The following GSK3B variants were observed in gnomAD, a reference collection of about 807,000 sequenced individuals.
The protein encoded by GSK3B is glycogen synthase kinase 3 beta.
A neutral mutation model predicts 56.4 loss-of-function variants in GSK3B; 15 were observed. The observed-to-expected ratio is 0.27, with a 90% CI of 0.18 to 0.41. The LOEUF is 0.41. GSK3B is among the 10% of genes least tolerant of loss of function. GSK3B has a pLI of 1.00. For missense variants in GSK3B, 300 were observed against 513.4 expected, an observed-to-expected ratio of 0.58 and a Z score of 4.02; for synonymous variants, 181 against 188.9, an observed-to-expected ratio of 0.96 and a Z score of 0.34.
intron 2 of GSK3B, among the ~76,000 whole-genome samples, chr3:120,000,351 A>AT (rs1302475524): frequency 1.3e-5 from 2 of 152,238 alleles, no homozygotes; most frequent in East Asian, 3.8e-4. Flanking sequence ...CAATATTCAG[A>AT]TATCAAGATC....
intron 1 of GSK3B, among the ~76,000 whole-genome samples, chr3:120,090,171 T>C (rs1309608998): frequency 6.6e-6 from 1 of 151,792 alleles, no homozygotes; most frequent in African/African-American, 2.4e-5. Flanking sequence ...TGATCTGAAA[T>C]AAGCCATCAT....
chr3:119,871,013 T>G (rs957608768), intron 8 of GSK3B, among the ~76,000 whole-genome samples: 3 of 152,200 alleles, frequency 2.0e-5, no homozygotes, highest in Non-Finnish European at 4.4e-5. Flanking sequence ...TCTGAAGGCA[T>G]TTTAATAATA....
At chr3:119,997,769 A>C (rs751268848) in intron 2 of GSK3B, among the ~76,000 whole-genome samples, 6 of 152,208 alleles carry the variant, frequency 3.9e-5, no homozygotes, top group Non-Finnish European at 8.8e-5. Flanking sequence ...AAGAAAAGGA[A>C]ACCCAGAAGA....
chr3:119,915,526 C>T (rs1559834800), intron 5 of GSK3B, among the ~76,000 whole-genome samples: 1 of 151,976 alleles, frequency 6.6e-6, no homozygotes, highest in African/African-American at 2.4e-5. Flanking sequence ...CACACATGTA[C>T]TTGTGTATAT....
chr3:119,900,328 T>G (rs2056613045), intron 7 of GSK3B, among the ~76,000 whole-genome samples: 1 of 152,116 alleles, frequency 6.6e-6, no homozygotes, highest in South Asian at 2.1e-4. Context: ...ATAGTCAAAT[T>G]ATTACTATAG....
chr3:119,905,995 T>C (rs1328700847), intron 6 of GSK3B, 143 bp from the exon 7 acceptor site: 1 of 592,450 alleles, frequency 1.7e-6, no homozygotes, highest in East Asian at 2.6e-5. Flanking sequence ...GAAAAAGTCA[T>C]CAAACTTCCT....
chr3:119,980,546 G>A (rs1179102428), intron 2 of GSK3B, among the ~76,000 whole-genome samples: 1 of 152,070 alleles, frequency 6.6e-6, no homozygotes, highest in African/African-American at 2.4e-5. Flanking sequence ...TAGAGATGGG[G>A]TTTCTCCAAG....
chr3:119,990,681 C>G (rs908439473), intron 2 of GSK3B, among the ~76,000 whole-genome samples: 2 of 152,208 alleles, frequency 1.3e-5, no homozygotes, highest in Admixed American at 6.5e-5. Context: ...GTAATCCCAG[C>G]ACTTTGGGAG....
intron 2 of GSK3B, among the ~76,000 whole-genome samples, chr3:119,962,151 G>C (rs553553114): frequency 6.6e-6 from 1 of 152,234 alleles, no homozygotes; most frequent in East Asian, 1.9e-4. Context: ...TGAGGCAGGT[G>C]GATCACCTGA....
intron 9 of GSK3B, among the ~76,000 whole-genome samples, chr3:119,863,168 C>T (rs752022857): frequency 7.2e-5 from 11 of 152,214 alleles, no homozygotes; most frequent in Non-Finnish European, 1.6e-4. Context: ...TCTGTAACTT[C>T]TCATGTGCCA....
chr3:119,961,884 T>C lies in GSK3B; in HGVS notation c.283-14533A>G, dbSNP rs1018741760. ...AGATATTCAACACTTTATTATAGAATAGGCTATGCGATACATGACTTTGTC... is the reference window on the plus strand; with the variant it reads ...AGATATTCAACACTTTATTATAGAACAGGCTATGCGATACATGACTTTGTC... On this transcript the variant is annotated intron_variant, in intron 2 of 10. Transcript: ENST00000264235. Among the ~76,000 whole-genome samples the C allele has an allele frequency of 3.3e-5, 5 of 152,314 alleles. No homozygotes were observed. In the South Asian group the frequency reaches 8.3e-4, roughly 25 times the overall value.
chr3:119,982,998 C>T (rs1215942352), intron 2 of GSK3B, among the ~76,000 whole-genome samples: 1 of 152,194 alleles, frequency 6.6e-6, no homozygotes, highest in African/African-American at 2.4e-5. Context: ...ATCAGACTAA[C>T]AGTGGATCTC....
intron 7 of GSK3B, among the ~76,000 whole-genome samples, chr3:119,883,646 A>C (rs1239090766): frequency 6.6e-6 from 1 of 152,210 alleles, no homozygotes; most frequent in Non-Finnish European, 1.5e-5. Context: ...CCTGGACCCT[A>C]CTGTGTTGAC....
At chr3:119,873,211 CAT>C (rs2108045310) in intron 8 of GSK3B, among the ~76,000 whole-genome samples, 2 of 152,212 alleles carry the variant, frequency 1.3e-5, no homozygotes, top group South Asian at 4.1e-4. Flanking sequence ...AGATTTCTGC[CAT>C]ACACCACACT....
At chr3:120,079,189 T>A (rs2058393538) in intron 1 of GSK3B, among the ~76,000 whole-genome samples, 1 of 143,208 alleles carries the variant, frequency 7.0e-6, no homozygotes, top group Non-Finnish European at 1.5e-5. Flanking sequence ...GATCCGCCCC[T>A]CCTCAGTCTC....
At chr3:120,070,240 C>CA (rs11341740) in intron 1 of GSK3B, among the ~76,000 whole-genome samples, 152 of 131,114 alleles carry the variant, frequency 1.2e-3, no homozygotes, top group South Asian at 4.5e-3. Flanking sequence ...AAACAAAAAA[C>CA]AAAAAAAAAA....
intron 8 of GSK3B, among the ~76,000 whole-genome samples, chr3:119,865,474 T>A (rs1485660143): frequency 6.0e-3 from 275 of 45,686 alleles, no homozygotes; most frequent in Non-Finnish European, 0.01. Context: ...ATATTTTTTT[T>A]TTTTTTTTTT....
intron 1 of GSK3B, among the ~76,000 whole-genome samples, chr3:120,025,735 A>C (rs1452171696): frequency 6.6e-6 from 1 of 152,218 alleles, no homozygotes; most frequent in Non-Finnish European, 1.5e-5. Context: ...GAAAAAAATT[A>C]GTCACCTAAA....
rs145711731 is a variant in GSK3B at position 120,053,586 on chromosome 3, T to G, written c.88+39761A>C. ...TGCACCCACAAGGAAAAGATAAAAC[T>G]GGCTATTAAAAAGCTACTATATAAT... On this transcript the variant is annotated intron_variant, in intron 1 of 10. Transcript: ENST00000264235. 3.7e-4 allele frequency among the ~76,000 whole-genome samples: 57 copies of G among 152,260 alleles called. No homozygotes were observed. The East Asian group carries it at 0.01, about 27-fold the overall frequency.
Sources: gnomAD v4.1 joint callset for allele counts (sites outside exome capture counted in the v4.1 genomes callset) on GRCh38, gnomAD v4.1.1 for gene constraint, MANE v1.5 for transcripts, NCBI Gene and HGNC (gene_info 2026-07-23, HGNC 2026-07-21) for gene names.